The following TFAP2E variants were observed in gnomAD, a reference collection of about 807,000 sequenced individuals.
TFAP2E encodes transcription factor AP-2 epsilon.
A neutral mutation model predicts 37.9 loss-of-function variants in TFAP2E; 30 were observed. The ratio of observed to expected loss-of-function variants is 0.79; its 90% CI spans 0.59 to 1.07. The LOEUF (loss-of-function observed/expected upper bound fraction) is 1.07. Ranked by LOEUF, TFAP2E falls within the 50% of genes least tolerant of loss-of-function variation. The probability of loss-of-function intolerance (pLI) is 0.00; values close to 1 mark genes in which losing one functional copy is unlikely to be tolerated. For synonymous variants in TFAP2E, 318 were observed against 295.8 expected (o/e 1.08, Z -0.77); for missense variants, 567 against 637.9 (o/e 0.89, Z 1.20).
chr1:35,575,252 G>A (rs1175185868), intron 3 of TFAP2E, among the ~76,000 whole-genome samples: 1 of 152,218 alleles, frequency 6.6e-6, no homozygotes, highest in African/African-American at 2.4e-5. Flanking sequence ...GCCTCTCCCC[G>A]CCGAGGGGGA....
rs1295760991 is a variant in TFAP2E, at chr1:35,573,406, A to C, written c.-172A>C. On this transcript the variant is annotated 5_prime_UTR_variant, in exon 1 of 7. Transcript: ENST00000373235. This position sits in a 1 kb window ranked among gnomAD's most constrained non-coding sequence, Gnocchi z 5.9. ...TCCTGCCTCCATGGACCCGCCCGGG[A>C]ACGGCCACCGCTGAGGACCCCACGC... 3 of 829,494 alleles carry C rather than the reference A, an allele frequency of 3.6e-6. No individual in the cohort carries two copies. The highest frequency in any genetic ancestry group is 5.1e-6 in the Non-Finnish European group (3 of 588,776). The allele number at this position is 829,494 out of a possible 1,614,324, so 51.4% of individuals were successfully genotyped here.
At chr1:35,584,745 C>T (rs912194282) in intron 3 of TFAP2E, among the ~76,000 whole-genome samples, 6 of 151,890 alleles carry the variant, frequency 4.0e-5, no homozygotes, top group Admixed American at 1.3e-4. Flanking sequence ...ATTGTATTGC[C>T]CAGGCTGGTC....
intron 6 of TFAP2E, among the ~76,000 whole-genome samples, chr1:35,593,463 C>T (rs1571111420): frequency 6.6e-6 from 1 of 152,202 alleles, no homozygotes; most frequent in East Asian, 1.9e-4. Flanking sequence ...TTGTTTCCGG[C>T]TTAGAACATC....
In TFAP2E at chr1:35,594,813, G is replaced by C; in HGVS notation, c.*137G>C. The C allele has an allele frequency of 7.4e-7, 1 of 1,344,698 alleles. No individual in the cohort carries two copies. Among genetic ancestry groups the C allele is most frequent in the Non-Finnish European group, 1.0e-6 (1 of 991,950 alleles). The allele number at this position is 1,344,698 out of a possible 1,614,324, so 83.3% of individuals were successfully genotyped here. On this transcript the variant is annotated 3_prime_UTR_variant, in exon 7 of 7. Coordinates refer to ENST00000373235, the MANE Select transcript of TFAP2E (RefSeq NM_178548.4). ...AGAACATTCATCCAGAGATCCCAGA[G>C]TTGGGGATCTGGCTTGGAGTAAGGG...
In TFAP2E at chr1:35,594,896, T is replaced by C; in HGVS notation, c.*220T>C. On this transcript the variant is annotated 3_prime_UTR_variant, in exon 7 of 7. Coordinates refer to ENST00000373235, the MANE Select transcript of TFAP2E (RefSeq NM_178548.4). ...GTTAAGGGCCCAGGTATTTGTCTCA[T>C]GTGTGCAATTTTCTGACCTTTGATG... 1 of 625,268 alleles carries C rather than the reference T, an allele frequency of 1.6e-6. No individual in the cohort carries two copies. Among genetic ancestry groups the C allele is most frequent in the South Asian group, 2.2e-5 (1 of 46,326 alleles). The allele number at this position is 625,268 out of a possible 1,614,324, so 38.7% of individuals were successfully genotyped here. A position where few individuals can be genotyped will look rare whatever the true frequency, so the allele number is the denominator to read the frequency against.
chr1:35,586,534 G>A (rs750904292), intron 3 of TFAP2E, among the ~76,000 whole-genome samples: 3 of 152,120 alleles, frequency 2.0e-5, no homozygotes, highest in Non-Finnish European at 4.4e-5. Flanking sequence ...ATTCACATGG[G>A]AAGGGAACCT....
chr1:35,589,188 CTG>C (rs757213879), intron 4 of TFAP2E, among the ~76,000 whole-genome samples: 19,812 of 125,546 alleles, frequency 0.16, 1,361 homozygotes, highest in Non-Finnish European at 0.19. Flanking sequence ...GTGTCCTGCT[CTG>C]TGTGTGTGTG....
intron 3 of TFAP2E, among the ~76,000 whole-genome samples, chr1:35,580,767 T>G (rs1012282216): frequency 6.6e-6 from 1 of 150,916 alleles, no homozygotes; most frequent in Non-Finnish European, 1.5e-5. Context: ...AGAGCGAGAC[T>G]CTGCCTCAAA....
intron 3 of TFAP2E, among the ~76,000 whole-genome samples, chr1:35,587,653 A>AAAAAAAGGAAAG (rs796133136): frequency 2.7e-5 from 4 of 147,786 alleles, no homozygotes; most frequent in African/African-American, 1.0e-4. Context: ...AAAAAAAAAA[A>AAAAAAAGGAAAG]AAAGAAAGAA....
At position 35,577,675 on chromosome 1, in the gene TFAP2E, G is replaced by C. The variant is rs1195175483; in HGVS notation, c.562+2675G>C. ...TCGCATCGCTGCGGTGGGCGTTCTC[G>C]GGCTTCGACTTCGCCAGCGCCGCGG... On this transcript the variant is annotated intron_variant, in intron 3 of 6. Coordinates refer to ENST00000373235, the MANE Select transcript of TFAP2E (RefSeq NM_178548.4). This position sits in a 1 kb window ranked among gnomAD's most constrained non-coding sequence, Gnocchi z 6.3. 2 of 311,346 alleles carry C rather than the reference G, an allele frequency of 6.4e-6. No homozygotes were observed. The highest frequency in any genetic ancestry group is 1.8e-4 in the East Asian group (2 of 11,236). The allele number at this position is 311,346 out of a possible 1,614,324, so 19.3% of individuals were successfully genotyped here.
chr1:35,577,597 C>T lies in TFAP2E; in HGVS notation c.562+2597C>T. 2.7e-6 allele frequency: 1 copy of T among 365,734 alleles called. No individual in the cohort carries two copies. Among genetic ancestry groups the T allele is most frequent in the South Asian group, 1.9e-5 (1 of 51,592 alleles). The allele number at this position is 365,734 out of a possible 1,614,324, so 22.7% of individuals were successfully genotyped here. ...GGCTGCGTCGCTGAAGGTTGGGGTC[C>T]TTGGTGCGAAAGGGAGGCAGCTGCA... On this transcript the variant is annotated intron_variant, in intron 3 of 6. Transcript: ENST00000373235. The surrounding 1 kb of genome is among the most constrained non-coding windows in gnomAD (Gnocchi z 6.3).
chr1:35,592,315 T>C (rs1649709852), intron 6 of TFAP2E, among the ~76,000 whole-genome samples: 1 of 151,914 alleles, frequency 6.6e-6, no homozygotes, highest in Admixed American at 6.6e-5. Context: ...GATTTAGTTC[T>C]TCCAAAAGAG....
At chr1:35,579,597 G>A (rs1463373028) in intron 3 of TFAP2E, among the ~76,000 whole-genome samples, 1 of 151,782 alleles carries the variant, frequency 6.6e-6, no homozygotes, top group Non-Finnish European at 1.5e-5. Context: ...GTTTCACCAT[G>A]TTGGCCAGGC....
Position 35,590,496 on chromosome 1 carries a change from G to T in TFAP2E, c.905-138G>T. 1 of 1,079,000 alleles carries T rather than the reference G, an allele frequency of 9.3e-7. No homozygotes were observed. Among genetic ancestry groups the T allele is most frequent in the South Asian group, 2.7e-5 (1 of 36,560 alleles). 66.8% of individuals were successfully genotyped at this position (1,079,000 alleles called of 1,614,324 possible). ...GCAATGGAATGGGGGCTGGAGCTGG[G>T]CTGGGAAGGAACATCAGAGGGGGCA... On this transcript the variant is annotated intron_variant, in intron 5 of 6. Transcript: ENST00000373235. This position sits in a 1 kb window ranked among gnomAD's most constrained non-coding sequence, Gnocchi z 6.2.
chr1:35,593,105 G>A (rs1649736115), intron 6 of TFAP2E, among the ~76,000 whole-genome samples: 2 of 152,148 alleles, frequency 1.3e-5, no homozygotes, highest in Non-Finnish European at 2.9e-5. Context: ...AGCACTTTGG[G>A]AAGCTGAGGT....
rs1367437371 is a variant in TFAP2E at position 35,574,142 on chromosome 1, G to C, written c.243G>C (p.Gly81=). 42 of 1,445,398 alleles carry C rather than the reference G, an allele frequency of 2.9e-5. No homozygotes were observed. The highest frequency in any genetic ancestry group is 3.7e-5 in the Non-Finnish European group (41 of 1,100,132). The allele number at this position is 1,445,398 out of a possible 1,614,324, so 89.5% of individuals were successfully genotyped here. The part of the protein sequence containing the change: ...DAAAAFPHLA[G]DPYGGLAPLA... ...CCGCAGCCTTTCCCCACCTGGCAGGGGACCCATATGGCGGCCTGGCGCCCC... is the reference window on the plus strand; with the variant it reads ...CCGCAGCCTTTCCCCACCTGGCAGGCGACCCATATGGCGGCCTGGCGCCCC... The change falls in exon 2 of 7, where the codon GGG becomes GGC. Residue 81 remains glycine, a synonymous_variant. Coordinates refer to ENST00000373235, the MANE Select transcript of TFAP2E (RefSeq NM_178548.4).
intron 2 of TFAP2E, chr1:35,574,720 T>C: frequency 1.5e-6 from 1 of 647,182 alleles, no homozygotes; most frequent in South Asian, 1.9e-5. Context: ...AGAAGCATAA[T>C]AGTTACCAGT....
Position 35,590,534 on chromosome 1 carries a change from G to T in TFAP2E, c.905-100G>T. On this transcript the variant is annotated intron_variant, in intron 5 of 6. Coordinates refer to ENST00000373235, the MANE Select transcript of TFAP2E (RefSeq NM_178548.4). The surrounding 1 kb of genome is among the most constrained non-coding windows in gnomAD (Gnocchi z 6.2). Reference sequence around the variant, plus strand: ...ATCAGAGGGGGCATCTACACAGGCAGGATGGGGCAGGATACCCCTGACCAG... The same window carrying T: ...ATCAGAGGGGGCATCTACACAGGCATGATGGGGCAGGATACCCCTGACCAG... The T allele has an allele frequency of 7.4e-7, 1 of 1,351,124 alleles. No homozygotes were observed. The highest frequency in any genetic ancestry group is 9.7e-7 in the Non-Finnish European group (1 of 1,029,832). The allele number at this position is 1,351,124 out of a possible 1,614,324, so 83.7% of individuals were successfully genotyped here. A position where few individuals can be genotyped will look rare whatever the true frequency, so the allele number is the denominator to read the frequency against.
Position 35,577,376 on chromosome 1 carries a change from G to C in TFAP2E, c.562+2376G>C, listed in dbSNP as rs1206870252. On this transcript the variant is annotated intron_variant, in intron 3 of 6. Coordinates refer to ENST00000373235, the MANE Select transcript of TFAP2E (RefSeq NM_178548.4). The surrounding 1 kb of genome is among the most constrained non-coding windows in gnomAD (Gnocchi z 6.3). Reference sequence around the variant, plus strand: ...GGCGTTGCCGCCAGCCCAGTGGGGAGTGAATTAGCGCCCTCCTTCGTCCTC... The same window carrying C: ...GGCGTTGCCGCCAGCCCAGTGGGGACTGAATTAGCGCCCTCCTTCGTCCTC... 4.4e-6 allele frequency: 2 copies of C among 456,706 alleles called. No individual in the cohort carries two copies. The highest frequency in any genetic ancestry group is 8.8e-6 in the Non-Finnish European group (2 of 227,008). 28.3% of individuals were successfully genotyped at this position (456,706 alleles called of 1,614,324 possible).
Sources: gnomAD v4.1 joint callset for allele counts (sites outside exome capture counted in the v4.1 genomes callset) on GRCh38, gnomAD v4.1.1 for gene constraint, Gnocchi (gnomAD v3.1) non-coding constraint, MANE v1.5 for transcripts, NCBI Gene and HGNC (gene_info 2026-07-23, HGNC 2026-07-21) for gene names.